GSTZ1: variants seen among roughly 807,000 people sequenced by gnomAD.
The protein encoded by GSTZ1 is glutathione S-transferase zeta 1.
In GSTZ1, 34 loss-of-function variants were observed where a neutral mutation model predicts 35.9. That is an observed-to-expected ratio of 0.95 (90% CI 0.72 to 1.26). GSTZ1 has a LOEUF of 1.26. GSTZ1 is among the 50% of genes most tolerant of loss of function. The probability of loss-of-function intolerance (pLI) is 0.00; values close to 1 mark genes in which losing one functional copy is unlikely to be tolerated. For synonymous variants in GSTZ1, 93 were observed against 101.2 expected, an observed-to-expected ratio of 0.92 and a Z score of 0.49; for missense variants, 263 against 271.7, an observed-to-expected ratio of 0.97 and a Z score of 0.23.
At chr14:77,324,349 G>T (rs925267854) in intron 1 of GSTZ1, 9 of 524,056 alleles carry the variant, frequency 1.7e-5, no homozygotes, top group Middle Eastern at 5.2e-4. Context: ...GTTTCACCAT[G>T]TTGGCCAGGC....
At chr14:77,331,044 C>G in intron 8 of GSTZ1, 25 bp from the exon 9 acceptor site, 1 of 1,608,856 alleles carries the variant, frequency 6.2e-7, no homozygotes. Flanking sequence ...AAAACCTTAG[C>G]TTAGCAGGTG....
intron 1 of GSTZ1, chr14:77,321,502 G>T (rs1891974064): frequency 2.9e-6 from 4 of 1,385,574 alleles, no homozygotes; most frequent in South Asian, 1.4e-5. Flanking sequence ...GCTTCCAAAC[G>T]TCGCCCCAAG....
At chr14:77,327,224 T>A (rs1892365630) in intron 3 of GSTZ1, 1 of 595,000 alleles carries the variant, frequency 1.7e-6, no homozygotes, top group Non-Finnish European at 3.0e-6. Flanking sequence ...GCTGCCTTGG[T>A]GGCCACGGTG....
intron 1 of GSTZ1, chr14:77,324,652 C>T: frequency 2.0e-6 from 3 of 1,466,836 alleles, no homozygotes; most frequent in Non-Finnish European, 2.8e-6. Flanking sequence ...GCTAGCTGCC[C>T]CTTTGGGGGC....
At chr14:77,328,575 T>C (rs1222922536) in intron 5 of GSTZ1, 1 of 175,322 alleles carries the variant, frequency 5.7e-6, no homozygotes, top group East Asian at 1.6e-4. Context: ...AATCCCTGCA[T>C]GCCTATGCCC....
chr14:77,330,285 G>A (rs770929181), intron 7 of GSTZ1, 25 bp from the exon 8 acceptor site: 3 of 1,596,052 alleles, frequency 1.9e-6, no homozygotes, highest in Non-Finnish European at 1.7e-6. Flanking sequence ...GCACCCTGAT[G>A]GGAACCCACC....
chr14:77,321,384 A>G (rs1354793574), intron 1 of GSTZ1: 18 of 1,529,948 alleles, frequency 1.2e-5, no homozygotes, highest in South Asian at 4.8e-5. Flanking sequence ...GGGCCAGAGG[A>G]GGCGGTCCTG....
chr14:77,327,845 T>C, intron 4 of GSTZ1, 67 bp from the exon 5 acceptor site: 1 of 1,511,098 alleles, frequency 6.6e-7, no homozygotes, highest in Non-Finnish European at 9.2e-7. Flanking sequence ...AGGAGTTTGC[T>C]GGCCCTGTCC....
At chr14:77,328,294 G>A (rs902508131) in intron 5 of GSTZ1, 7 of 500,994 alleles carry the variant, frequency 1.4e-5, no homozygotes, top group African/African-American at 1.4e-4. Flanking sequence ...TGGGGAAAGG[G>A]CCAGAATGGC....
intron 3 of GSTZ1, chr14:77,327,264 T>C: frequency 1.7e-6 from 1 of 605,864 alleles, no homozygotes. Context: ...ATAGCCAGGC[T>C]GTTAGGATGA....
At chr14:77,329,263 CAG>C (rs779837133) in intron 6 of GSTZ1, 62 bp downstream of exon 6, 8 of 1,092,952 alleles carry the variant, frequency 7.3e-6, no homozygotes, top group Admixed American at 1.7e-5. Flanking sequence ...CCCTCGCACA[CAG>C]GGGCCTGGGT....
chr14:77,327,818 GC>G, intron 4 of GSTZ1, 93 bp from the exon 5 acceptor site: 1 of 1,228,614 alleles, frequency 8.1e-7, no homozygotes, highest in African/African-American at 1.5e-5. Context: ...TAGTGATGGT[GC>G]TGGAAGAGGA....
At chr14:77,330,963 C>T in intron 8 of GSTZ1, 106 bp from the exon 9 acceptor site, 1 of 1,097,060 alleles carries the variant, frequency 9.1e-7, no homozygotes, top group Non-Finnish European at 1.3e-6. Flanking sequence ...CCCTGGACAG[C>T]TCCCTCGACC....
At chr14:77,324,707 G>C in intron 1 of GSTZ1, 163 bp from the exon 2 acceptor site, 1 of 1,189,562 alleles carries the variant, frequency 8.4e-7, no homozygotes, top group African/African-American at 1.5e-5. Flanking sequence ...TTGGAGCCAA[G>C]GGACCTCATG....
intron 5 of GSTZ1, 107 bp downstream of exon 5, chr14:77,328,144 G>A (rs888410): frequency 0.045 from 47,547 of 1,066,058 alleles, 1,573 homozygotes; most frequent in African/African-American, 0.13. Context: ...GGGAGGGAGG[G>A]GGATTCTCAG....
At chr14:77,321,805 C>T (rs1273008858) in intron 1 of GSTZ1, among the ~76,000 whole-genome samples, 1 of 151,912 alleles carries the variant, frequency 6.6e-6, no homozygotes, top group Admixed American at 6.6e-5. Context: ...ATAGCGTGAA[C>T]CCAGGAGGCG....
intron 1 of GSTZ1, chr14:77,321,385 G>A: frequency 6.5e-7 from 1 of 1,530,238 alleles, no homozygotes. Flanking sequence ...GGCCAGAGGA[G>A]GCGGTCCTGG....
At chr14:77,328,487 A>T (rs1022731129) in intron 5 of GSTZ1, 6 of 181,002 alleles carry the variant, frequency 3.3e-5, no homozygotes, top group African/African-American at 1.4e-4. Context: ...TCTACTCTGA[A>T]TGAGGAAATA....
chr14:77,324,666 T>C, intron 1 of GSTZ1: 1 of 1,402,952 alleles, frequency 7.1e-7, no homozygotes, highest in East Asian at 2.5e-5. Context: ...TGGGGGCCTC[T>C]TGGACCTCAG....
Sources: gnomAD v4.1 joint callset for allele counts (sites outside exome capture counted in the v4.1 genomes callset) on GRCh38, gnomAD v4.1.1 for gene constraint, MANE v1.5 for transcripts, NCBI Gene and HGNC (gene_info 2026-07-23, HGNC 2026-07-21) for gene names.